HSPA8: variants seen among roughly 807,000 people sequenced by gnomAD.
The protein encoded by HSPA8 is heat shock protein family A (Hsp70) member 8.
Under a neutral mutation model 52.8 loss-of-function variants are expected in HSPA8, and 2 were observed. That is an observed-to-expected ratio of 0.04 (90% CI 0.02 to 0.12). The LOEUF is 0.12. Among genes scored for constraint, HSPA8 ranks in the 10% least tolerant of loss-of-function variants. HSPA8 has a pLI of 1.00. For synonymous variants in HSPA8, 436 were observed against 274.0 expected (o/e 1.59, Z -5.84); for missense variants, 349 against 800.5 (o/e 0.44, Z 6.81).
chr11:123,060,367 A>ACCC lies in HSPA8; in HGVS notation c.412-102_412-100dup, dbSNP rs149047184. The ACCC allele has an allele frequency of 1.6e-4, 182 of 1,107,108 alleles. 1 individual carries two copies. In the African/African-American group the frequency reaches 2.4e-3, roughly 14 times the overall value. 68.6% of individuals were successfully genotyped at this position (1,107,108 alleles called of 1,614,324 possible). Reference sequence around the variant, plus strand: ...ATGCTGGTGAAAGAACAGCTGGAGCACCCCCCCCACCAAAATGTAAATTAC... The same window carrying ACCC: ...ATGCTGGTGAAAGAACAGCTGGAGCACCCCCCCCCCCACCAAAATGTAAATTAC... On this transcript the variant is annotated intron_variant, in intron 3 of 8. Transcript: ENST00000534624.
chr11:123,057,928 G>C lies in HSPA8; in HGVS notation c.1756-9C>G, dbSNP rs755408420. The C allele has an allele frequency of 1.9e-6, 3 of 1,581,318 alleles. No homozygotes were observed. The highest frequency in any genetic ancestry group is 2.6e-6 in the Non-Finnish European group (3 of 1,165,464). ...TCTTCCTTCTCAGCAGTCTGAGGAA[G>C]AGAAAAAGGAATTACTGCAAGTTCT... On this transcript the variant is annotated splice_polypyrimidine_tract_variant and intron_variant, in intron 8 of 8. Transcript: ENST00000534624.
intron 5 of HSPA8, 29 bp downstream of exon 5, chr11:123,059,444 T>G: frequency 6.3e-7 from 1 of 1,585,522 alleles, no homozygotes; most frequent in Non-Finnish European, 8.6e-7. Context: ...CCTGCCTGCC[T>G]TTAGGGTTAA....
intron 2 of HSPA8, 69 bp from the exon 3 acceptor site, chr11:123,060,867 T>C: frequency 2.2e-6 from 3 of 1,383,126 alleles, no homozygotes; most frequent in Non-Finnish European, 2.1e-6. Context: ...AGTCCATGAT[T>C]ACTCAAATAC....
intron 2 of HSPA8, 21 bp from the exon 3 acceptor site, chr11:123,060,819 A>G (rs755827433): frequency 2.5e-6 from 4 of 1,588,586 alleles, no homozygotes; most frequent in Admixed American, 1.7e-5. Context: ...TGTCAAATGA[A>G]AACACTTTCA....
Position 123,061,324 on chromosome 11 carries a change from TG to T in HSPA8, c.-1del. The T allele has an allele frequency of 6.2e-7, 1 of 1,612,460 alleles. No homozygotes were observed. Among genetic ancestry groups the T allele is most frequent in the Non-Finnish European group, 8.5e-7 (1 of 1,179,296 alleles). ...ATACCAACTGCAGGTCCCTTGGACA[TG>T]GTTGCTGAAAAAAAGAAAAATCTGG... is the stretch of plus-strand genomic sequence containing the variant. On this transcript the variant is annotated 5_prime_UTR_variant, in exon 2 of 9. Transcript: ENST00000534624.
In HSPA8 at chr11:123,060,926, G is replaced by A. The variant is rs544684693; in HGVS notation, c.206-128C>T. 6.4e-6 allele frequency: 6 copies of A among 942,436 alleles called. No homozygotes were observed. In the Admixed American group the frequency reaches 7.0e-5, roughly 11 times the overall value. 58.4% of individuals were successfully genotyped at this position (942,436 alleles called of 1,614,324 possible). ...TTCAACTACCATATAGGTAGCAAAG[G>A]TTCAAACTTCAACCTCCTACGTTAT... On this transcript the variant is annotated intron_variant, in intron 2 of 8. Coordinates refer to ENST00000534624, the MANE Select transcript of HSPA8 (RefSeq NM_006597.6).
At chr11:123,060,418 T>A in intron 3 of HSPA8, 150 bp from the exon 4 acceptor site, 1 of 966,760 alleles carries the variant, frequency 1.0e-6, no homozygotes, top group Middle Eastern at 2.2e-4. Context: ...ATTCACTGGT[T>A]TCTGGTGTTG....
Position 123,059,272 on chromosome 11 carries a change from A to C in HSPA8, c.1121-11T>G. 6.2e-7 allele frequency: 1 copy of C among 1,608,814 alleles called. No homozygotes were observed. Among genetic ancestry groups the C allele is most frequent in the Non-Finnish European group, 8.5e-7 (1 of 1,176,460 alleles). On this transcript the variant is annotated splice_polypyrimidine_tract_variant and intron_variant, in intron 5 of 8. Coordinates refer to ENST00000534624, the MANE Select transcript of HSPA8 (RefSeq NM_006597.6). ...TGGCTGCCTGGACAGCTAGCAAACA[A>C]AAAGTTAACGTTAAAAGAAGTTAAA...
chr11:123,061,414 A>G lies in HSPA8; in HGVS notation c.-5-85T>C. The G allele has an allele frequency of 3.9e-6, 4 of 1,032,196 alleles. No homozygotes were observed. In the South Asian group the frequency reaches 4.2e-5, roughly 11 times the overall value. 63.9% of individuals were successfully genotyped at this position (1,032,196 alleles called of 1,614,324 possible). On this transcript the variant is annotated intron_variant, in intron 1 of 8. Coordinates refer to ENST00000534624, the MANE Select transcript of HSPA8 (RefSeq NM_006597.6). ...TTAACAGAACACTTAACCAGGAAAA[A>G]CGTATGGCCACTGCCAAGAGGTAAT...
At position 123,058,479 on chromosome 11, in the gene HSPA8, A is replaced by T; in HGVS notation, c.1528T>A (p.Leu510Met). 6.2e-7 allele frequency: 1 copy of T among 1,613,772 alleles called. No individual in the cohort carries two copies. The highest frequency in any genetic ancestry group is 8.5e-7 in the Non-Finnish European group (1 of 1,179,716). The part of the protein sequence containing the change: ...KITITNDKGR[L>M]SKEDIERMVQ... ...ATACGTTCAATGTCTTCCTTGCTCA[A>T]ACGGCCTAGGAAAGAAATTAACTCT... The change falls in exon 8 of 9, where the codon TTG becomes ATG. Residue 510 changes from leucine to methionine, a missense_variant. By Grantham distance (15) the Leu-to-Met change is conservative. Coordinates refer to ENST00000534624, the MANE Select transcript of HSPA8 (RefSeq NM_006597.6).
intron 8 of HSPA8, 130 bp from the exon 9 acceptor site, chr11:123,058,049 G>T: frequency 1.3e-6 from 1 of 770,310 alleles, no homozygotes; most frequent in Non-Finnish European, 2.1e-6. Flanking sequence ...CATTAAAATA[G>T]GGCCTTATTC....
Position 123,057,811 on chromosome 11 carries a change from G to A in HSPA8, c.1864C>T (p.Pro622Ser). The A allele has an allele frequency of 2.5e-6, 4 of 1,613,840 alleles. No individual in the cohort carries two copies. The highest frequency in any genetic ancestry group is 2.7e-5 in the African/African-American group (2 of 75,004). Residue 622 changes from proline to serine, a missense_variant, in exon 9 of 9, where the codon CCT becomes TCT. By Grantham distance (74) the Pro-to-Ser change is moderately conservative. Transcript: ENST00000534624. ...QSAGGMPGGM[P>S]GGFPGGGAPP... Reference sequence around the variant, plus strand: ...GCTCCACCACCAGGAAATCCCCCAGGCATTCCTCCTGGCATGCCTCCTGCA... The same window carrying A: ...GCTCCACCACCAGGAAATCCCCCAGACATTCCTCCTGGCATGCCTCCTGCA...
Position 123,057,647 on chromosome 11 carries a change from T to C in HSPA8, c.*87A>G, listed in dbSNP as rs1178995209. On this transcript the variant is annotated 3_prime_UTR_variant, in exon 9 of 9. Transcript: ENST00000534624. ...TAACTTACTATAGCAGCTTAACTTT[T>C]TAAAACTGCCACAGAATTTGCTACG... 8.9e-7 allele frequency: 1 copy of C among 1,124,442 alleles called. No individual in the cohort carries two copies. 69.7% of individuals were successfully genotyped at this position (1,124,442 alleles called of 1,614,324 possible). A position where few individuals can be genotyped will look rare whatever the true frequency, so the allele number is the denominator to read the frequency against.
chr11:123,058,961 A>G, intron 6 of HSPA8, 98 bp downstream of exon 6: 3 of 1,405,488 alleles, frequency 2.1e-6, no homozygotes, highest in South Asian at 2.4e-5. Flanking sequence ...TCTGGTGGAA[A>G]CTACGAATGG....
At position 123,059,889 on chromosome 11, in the gene HSPA8, T is replaced by C; in HGVS notation, c.704A>G (p.Asn235Ser). The C allele has an allele frequency of 2.5e-6, 4 of 1,613,506 alleles. No homozygotes were observed. Among genetic ancestry groups the C allele is most frequent in the Non-Finnish European group, 2.5e-6 (3 of 1,179,930 alleles). Reference sequence around the variant, plus strand: ...AGCAATAAAATGGTTGACCATTCGGTTGTCAAAATCTTCTCCACCCAAGTG... The same window carrying C: ...AGCAATAAAATGGTTGACCATTCGGCTGTCAAAATCTTCTCCACCCAAGTG... ...DTHLGGEDFD[N>S]RMVNHFIAEF... is the part of the protein sequence containing the mutation. Residue 235 changes from asparagine (N) to serine (S), a missense_variant, in exon 5 of 9, where the codon AAC becomes AGC. By Grantham distance (46) the Asn-to-Ser change is conservative. Coordinates refer to ENST00000534624, the MANE Select transcript of HSPA8 (RefSeq NM_006597.6).
chr11:123,058,517 TA>T (rs1318756437), intron 7 of HSPA8, 33 bp from the exon 8 acceptor site: 4 of 1,600,172 alleles, frequency 2.5e-6, no homozygotes, highest in Non-Finnish European at 3.4e-6. Context: ...GTAAAAGCCT[TA>T]AATTACCTGT....
At chr11:123,061,068 G>A in intron 2 of HSPA8, 52 bp downstream of exon 2, 1 of 1,492,308 alleles carries the variant, frequency 6.7e-7, no homozygotes, top group Non-Finnish European at 9.3e-7. Context: ...ATAAACTTTT[G>A]TGCTTCCTAG....
At chr11:123,060,863 T>C (rs1207529249) in intron 2 of HSPA8, 65 bp from the exon 3 acceptor site, 2 of 1,429,036 alleles carry the variant, frequency 1.4e-6, no homozygotes, top group Admixed American at 1.7e-5. Context: ...CTCAAGTCCA[T>C]GATTACTCAA....
At chr11:123,059,444 T>C in intron 5 of HSPA8, 29 bp downstream of exon 5, 1 of 1,585,522 alleles carries the variant, frequency 6.3e-7, no homozygotes, top group Non-Finnish European at 8.6e-7. Flanking sequence ...CCTGCCTGCC[T>C]TTAGGGTTAA....
Sources: allele counts gnomAD v4.1 joint callset, GRCh38; gene constraint gnomAD v4.1.1; transcripts MANE v1.5; gene names NCBI Gene and HGNC (gene_info 2026-07-23, HGNC 2026-07-21).